Variants in NSD2 observed in about 807,000 individuals in gnomAD.
NSD2 encodes histone-lysine N-methyltransferase NSD2.
NSD2 carries 12 observed loss-of-function variants against 139.0 expected under a neutral mutation model. The ratio of observed to expected loss-of-function variants is 0.09; its 90% CI spans 0.06 to 0.14. The LOEUF (loss-of-function observed/expected upper bound fraction) is 0.14. Ranked by LOEUF, NSD2 falls within the 10% of genes least tolerant of loss-of-function variation. NSD2 has a pLI of 1.00. For missense variants in NSD2, 1,155 were observed against 1,745.0 expected, an observed-to-expected ratio of 0.66 and a Z score of 6.02; for synonymous variants, 669 against 648.7, an observed-to-expected ratio of 1.03 and a Z score of -0.48.
intron 1 of NSD2, among the ~76,000 whole-genome samples, chr4:1,877,672 C>T (rs147948605): frequency 5.9e-5 from 9 of 152,162 alleles, no homozygotes; most frequent in African/African-American, 2.2e-4. Context: ...TCACCCACTC[C>T]CATTCTCATT....
At chr4:1,913,948 T>C (rs1719022446) in intron 3 of NSD2, among the ~76,000 whole-genome samples, 1 of 152,230 alleles carries the variant, frequency 6.6e-6, no homozygotes, top group African/African-American at 2.4e-5. Flanking sequence ...AGTTTTCTTT[T>C]TTCCTGGAGG....
At chr4:1,895,153 A>G (rs1716093120) in intron 1 of NSD2, among the ~76,000 whole-genome samples, 2 of 152,200 alleles carry the variant, frequency 1.3e-5, no homozygotes, top group African/African-American at 4.8e-5. Context: ...CACTGTGCAG[A>G]TAGTCTACAT....
chr4:1,895,505 C>T (rs1716148068), intron 1 of NSD2, among the ~76,000 whole-genome samples: 1 of 152,146 alleles, frequency 6.6e-6, no homozygotes, highest in African/African-American at 2.4e-5. Flanking sequence ...GCCTGGTCTG[C>T]TATATTCAAC....
intron 9 of NSD2, chr4:1,940,205 C>G: frequency 4.6e-6 from 5 of 1,079,916 alleles, no homozygotes; most frequent in Non-Finnish European, 5.6e-6. Context: ...ACACCTGATT[C>G]CTGTTGCTTC....
intron 18 of NSD2, among the ~76,000 whole-genome samples, chr4:1,970,720 C>T (rs1047303851): frequency 6.6e-5 from 10 of 152,042 alleles, no homozygotes; most frequent in African/African-American, 2.4e-4. Context: ...GCTCTAGGGG[C>T]GGTTGAGGGA....
At chr4:1,874,290 C>T (rs1157733886) in intron 1 of NSD2, among the ~76,000 whole-genome samples, 2 of 152,122 alleles carry the variant, frequency 1.3e-5, no homozygotes, top group African/African-American at 4.8e-5. Context: ...TCTCCAAATA[C>T]GTGGTACCAT....
At position 1,956,332 on chromosome 4, in the gene NSD2, G is replaced by A. The variant is rs1724800452; in HGVS notation, c.2881+144G>A. On this transcript the variant is annotated intron_variant, in intron 15 of 21. Transcript: ENST00000508803. The surrounding 1 kb of genome is among the most constrained non-coding windows in gnomAD (Gnocchi z 5.3). ...TTTTTAAATTAGGAAAATGTTTGCA[G>A]TCTGGTTTATTTGTTGAGCATAGAA... is the stretch of plus-strand genomic sequence containing the variant. 1.4e-6 allele frequency: 1 copy of A among 712,996 alleles called. No homozygotes were observed. Among genetic ancestry groups the A allele is most frequent in the East Asian group, 2.9e-5 (1 of 34,690 alleles). 44.2% of individuals were successfully genotyped at this position (712,996 alleles called of 1,614,324 possible).
chr4:1,918,762 T>A, intron 5 of NSD2, 139 bp downstream of exon 5: 1 of 1,222,566 alleles, frequency 8.2e-7, no homozygotes, highest in Non-Finnish European at 1.1e-6. Context: ...AATAAATAAG[T>A]ATTAGGGAAC....
chr4:1,886,001 C>T (rs1715051958), intron 1 of NSD2, among the ~76,000 whole-genome samples: 1 of 152,118 alleles, frequency 6.6e-6, no homozygotes, highest in East Asian at 1.9e-4. Context: ...TTGTAGAATA[C>T]AGAAAAGTGG....
intron 1 of NSD2, among the ~76,000 whole-genome samples, chr4:1,876,754 C>CT (rs59360543): frequency 0.032 from 4,909 of 151,208 alleles, 275 homozygotes; most frequent in African/African-American, 0.11. Flanking sequence ...AGAAAAAATG[C>CT]TTTTTTTTTC....
chr4:1,878,234 T>G (rs1714410528), intron 1 of NSD2, among the ~76,000 whole-genome samples: 2 of 37,010 alleles, frequency 5.4e-5, no homozygotes, highest in Non-Finnish European at 1.2e-4. Flanking sequence ...CTGATATATA[T>G]ATATATATAT....
chr4:1,880,264 A>G (rs1448050466), intron 1 of NSD2, among the ~76,000 whole-genome samples: 1 of 152,140 alleles, frequency 6.6e-6, no homozygotes, highest in Non-Finnish European at 1.5e-5. Flanking sequence ...CAAAGATGTC[A>G]AGTAACTGAT....
Position 1,978,993 on chromosome 4 carries a change from C to A in NSD2, c.*84C>A. 1.4e-6 allele frequency: 2 copies of A among 1,423,276 alleles called. No individual in the cohort carries two copies. The highest frequency in any genetic ancestry group is 1.4e-5 in the African/African-American group (1 of 69,378). The allele number at this position is 1,423,276 out of a possible 1,614,324, so 88.2% of individuals were successfully genotyped here. ...GGGAGAGGGCGAGCATGAACTGGCCCGGAGGACCCAGCTCGAGCCGCCAGG... is the reference window on the plus strand; with the variant it reads ...GGGAGAGGGCGAGCATGAACTGGCCAGGAGGACCCAGCTCGAGCCGCCAGG... On this transcript the variant is annotated 3_prime_UTR_variant, in exon 22 of 22. Coordinates refer to ENST00000508803, the MANE Select transcript of NSD2 (RefSeq NM_001042424.3).
In NSD2 at chr4:1,940,485, G is replaced by A. The variant is rs139642094; in HGVS notation, c.1881+707G>A. 367 of 1,064,114 alleles carry A rather than the reference G, an allele frequency of 3.4e-4. 3 individuals carry two copies. In the African/African-American group the frequency reaches 4.6e-3, roughly 13 times the overall value. The allele number at this position is 1,064,114 out of a possible 1,614,324, so 65.9% of individuals were successfully genotyped here. Reference sequence around the variant, plus strand: ...TTGCCGTTGCCAAAAACAACAAATAGCCACAGAACGTAGGTGTGACACTTT... The same window carrying A: ...TTGCCGTTGCCAAAAACAACAAATAACCACAGAACGTAGGTGTGACACTTT... On this transcript the variant is annotated intron_variant, in intron 9 of 21. Transcript: ENST00000508803.
intron 2 of NSD2, among the ~76,000 whole-genome samples, chr4:1,903,227 A>G (rs1213378932): frequency 2.0e-5 from 3 of 152,200 alleles, no homozygotes; most frequent in Non-Finnish European, 4.4e-5. Context: ...TCATGTGTAT[A>G]GTGCTCTTGA....
chr4:1,914,157 G>A (rs1157466942), intron 3 of NSD2, among the ~76,000 whole-genome samples: 1 of 151,886 alleles, frequency 6.6e-6, no homozygotes, highest in Non-Finnish European at 1.5e-5. Flanking sequence ...CGAGTAGCTG[G>A]GACTACAGGT....
intron 5 of NSD2, among the ~76,000 whole-genome samples, chr4:1,920,452 G>A (rs1719969369): frequency 1.3e-5 from 2 of 152,032 alleles, no homozygotes; most frequent in African/African-American, 4.8e-5. Context: ...GGAATGCAAG[G>A]GTGATTTGAT....
rs1723886861 is a variant in NSD2 at position 1,948,610 on chromosome 4, G to T, written c.1882-2462G>T. 1 of 1,062,768 alleles carries T rather than the reference G, an allele frequency of 9.4e-7. No homozygotes were observed. 65.8% of individuals were successfully genotyped at this position (1,062,768 alleles called of 1,614,324 possible). ...AATCTGTGTCATGGACTGTACTATTGTAAGGTCTATATTCTGTATGTGGGT... is the reference window on the plus strand; with the variant it reads ...AATCTGTGTCATGGACTGTACTATTTTAAGGTCTATATTCTGTATGTGGGT... On this transcript the variant is annotated intron_variant, in intron 9 of 21. Coordinates refer to ENST00000508803, the MANE Select transcript of NSD2 (RefSeq NM_001042424.3). The surrounding 1 kb of genome is among the most constrained non-coding windows in gnomAD (Gnocchi z 4.5).
At chr4:1,899,289 T>C (rs1560587521) in intron 1 of NSD2, 1 of 152,178 alleles carries the variant, frequency 6.6e-6, no homozygotes, top group Non-Finnish European at 1.5e-5. Context: ...ACGTCAGGTG[T>C]CCTCCACCTC....
Sources: allele counts gnomAD v4.1 joint callset (sites outside exome capture counted in the v4.1 genomes callset), GRCh38; gene constraint gnomAD v4.1.1; non-coding constraint Gnocchi (gnomAD v3.1); transcripts MANE v1.5; gene names NCBI Gene and HGNC (gene_info 2026-07-23, HGNC 2026-07-21).